SOX5: variants seen among roughly 807,000 people sequenced by gnomAD.
SOX5 encodes the protein transcription factor SOX-5.
Under a neutral mutation model 92.0 loss-of-function variants are expected in SOX5, and 9 were observed. The observed-to-expected ratio is 0.10, with a 90% CI of 0.06 to 0.17. The LOEUF is 0.17. Among genes scored for constraint, SOX5 ranks in the 10% least tolerant of loss-of-function variants. SOX5 has a pLI of 1.00. For missense variants in SOX5, 642 were observed against 944.5 expected, an observed-to-expected ratio of 0.68 and a Z score of 4.20; for synonymous variants, 344 against 336.3, an observed-to-expected ratio of 1.02 and a Z score of -0.25.
At chr12:23,665,603 T>C in intron 6 of SOX5, 39 bp from the exon 7 acceptor site, 7 of 1,571,892 alleles carry the variant, frequency 4.5e-6, no homozygotes, top group Non-Finnish European at 6.0e-6. Context: ...AGAAGAAGTT[T>C]CGATGCTCCA....
intron 3 of SOX5, among the ~76,000 whole-genome samples, chr12:23,812,824 AC>A (rs1210678113): frequency 5.3e-5 from 8 of 152,186 alleles, no homozygotes; most frequent in African/African-American, 1.9e-4. Context: ...CATAAAATTT[AC>A]ACTAATACAC....
rs538271135 is a variant in SOX5 at position 23,943,377 on chromosome 12, A to T, written c.38+6187T>A. Among the ~76,000 whole-genome samples the T allele has an allele frequency of 3.9e-5, 6 of 152,202 alleles. No individual in the cohort carries two copies. In the East Asian group the frequency reaches 1.2e-3, roughly 30 times the overall value. ...ATTTAAGTCAAAACATTTCAGTACA[A>T]GGCATTAAGAAAAAACGTCATTTAG... is the stretch of plus-strand genomic sequence containing the variant. On this transcript the variant is annotated intron_variant, in intron 1 of 14. Coordinates refer to ENST00000451604, the MANE Select transcript of SOX5 (RefSeq NM_006940.6).
chr12:23,707,284 T>A (rs983916053), intron 6 of SOX5, among the ~76,000 whole-genome samples: 1 of 152,146 alleles, frequency 6.6e-6, no homozygotes, highest in Non-Finnish European at 1.5e-5. Context: ...CATCCAATCG[T>A]TAGCAGGTAG....
intron 4 of SOX5, among the ~76,000 whole-genome samples, chr12:24,173,700 T>TTTAATA (rs776199277): frequency 3.3e-5 from 5 of 152,192 alleles, no homozygotes; most frequent in Non-Finnish European, 7.3e-5. Context: ...TATTTTAATA[T>TTTAATA]TTTAATACAG....
intron 2 of SOX5, among the ~76,000 whole-genome samples, chr12:24,364,535 TATATATATAC>T (rs911658130): frequency 7.0e-6 from 1 of 142,522 alleles, no homozygotes; most frequent in African/African-American, 2.7e-5. Context: ...TATATATATA[TATATATATAC>T]ACGAATAAAT....
intron 8 of SOX5, among the ~76,000 whole-genome samples, chr12:23,623,590 A>G (rs545338048): frequency 3.3e-5 from 5 of 152,166 alleles, no homozygotes; most frequent in Non-Finnish European, 7.4e-5. Context: ...AGTGAGAAAT[A>G]TTACAAAGCA....
chr12:24,429,988 T>C (rs1009495379), intron 1 of SOX5, among the ~76,000 whole-genome samples: 28 of 152,212 alleles, frequency 1.8e-4, no homozygotes, highest in Non-Finnish European at 1.5e-4. Context: ...AATTAAGTTA[T>C]TCCAAAAGGC....
At chr12:24,010,656 C>T (rs1372001491) in intron 4 of SOX5, among the ~76,000 whole-genome samples, 1 of 152,102 alleles carries the variant, frequency 6.6e-6, no homozygotes, top group African/African-American at 2.4e-5. Flanking sequence ...TATTCTAGGC[C>T]GGGTGCTGTG....
In SOX5 at chr12:23,945,849, T is replaced by C. The variant is rs1944506738; in HGVS notation, c.38+3715A>G. Among the ~76,000 whole-genome samples, 5 of 152,116 alleles carry C rather than the reference T, an allele frequency of 3.3e-5. No homozygotes were observed. In the South Asian group the frequency reaches 1.0e-3, roughly 31 times the overall value. Reference sequence around the variant, plus strand: ...ACAACGGATTTTTTTGTTGTTGTTGTTAAGGTTTTTAATTAAGCAAAATAT... The same window carrying C: ...ACAACGGATTTTTTTGTTGTTGTTGCTAAGGTTTTTAATTAAGCAAAATAT... On this transcript the variant is annotated intron_variant, in intron 1 of 14. Transcript: ENST00000451604.
chr12:24,388,881 G>A (rs981708028), intron 1 of SOX5, among the ~76,000 whole-genome samples: 3 of 152,046 alleles, frequency 2.0e-5, no homozygotes, highest in Non-Finnish European at 4.4e-5. Flanking sequence ...GTTCTCTCTT[G>A]TGACTGGCTT....
At chr12:24,314,193 T>G (rs1949480686) in intron 2 of SOX5, among the ~76,000 whole-genome samples, 1 of 151,970 alleles carries the variant, frequency 6.6e-6, no homozygotes, top group Non-Finnish European at 1.5e-5. Flanking sequence ...GCAGCCAGAG[T>G]GATCCTTTTA....
At chr12:24,322,857 T>C (rs537398835) in intron 2 of SOX5, among the ~76,000 whole-genome samples, 2 of 152,152 alleles carry the variant, frequency 1.3e-5, no homozygotes, top group Admixed American at 1.3e-4. Flanking sequence ...TTTTAAATAA[T>C]CTCCCAACAT....
intron 6 of SOX5, among the ~76,000 whole-genome samples, chr12:23,685,920 A>C (rs2087479936): frequency 6.6e-6 from 1 of 152,314 alleles, no homozygotes; most frequent in Non-Finnish European, 1.5e-5. Flanking sequence ...TATCAGCTGC[A>C]GTAATGCACG....
chr12:24,327,731 C>T (rs1284492017), intron 2 of SOX5, among the ~76,000 whole-genome samples: 1 of 151,966 alleles, frequency 6.6e-6, no homozygotes, highest in Non-Finnish European at 1.5e-5. Flanking sequence ...CTACAGGAGC[C>T]TGCCACCACG....
intron 1 of SOX5, among the ~76,000 whole-genome samples, chr12:24,419,010 T>C (rs531656480): frequency 9.9e-5 from 15 of 152,250 alleles, no homozygotes; most frequent in Non-Finnish European, 1.9e-4. Context: ...AAGAGGATCC[T>C]CCAAAATTAT....
intron 3 of SOX5, among the ~76,000 whole-genome samples, chr12:23,837,221 ATATATAATATATATT>A (rs1293977143): frequency 3.3e-5 from 4 of 120,730 alleles, no homozygotes; most frequent in Non-Finnish European, 3.4e-5. Context: ...TATTTATATG[ATATATAATATATATT>A]TATATAATAT....
intron 8 of SOX5, among the ~76,000 whole-genome samples, chr12:23,625,708 C>G (rs1006805868): frequency 6.6e-6 from 1 of 152,178 alleles, no homozygotes. Flanking sequence ...GTCCTGGGTT[C>G]AAATGATTCT....
intron 11 of SOX5, among the ~76,000 whole-genome samples, chr12:23,554,430 G>A (rs934721225): frequency 2.6e-5 from 4 of 152,108 alleles, no homozygotes; most frequent in African/African-American, 7.2e-5. Flanking sequence ...CAGGAACTGC[G>A]TTACTTTCTG....
At chr12:23,794,338 T>A (rs1037262614) in intron 3 of SOX5, among the ~76,000 whole-genome samples, 2 of 152,154 alleles carry the variant, frequency 1.3e-5, no homozygotes, top group African/African-American at 2.4e-5. Context: ...AAATTCTCTT[T>A]AGAGTTTTCA....
Sources: gnomAD v4.1 joint callset for allele counts (sites outside exome capture counted in the v4.1 genomes callset) on GRCh38, gnomAD v4.1.1 for gene constraint, MANE v1.5 for transcripts, NCBI Gene and HGNC (gene_info 2026-07-23, HGNC 2026-07-21) for gene names.